The following TANC1 variants were observed in gnomAD, a reference collection of about 807,000 sequenced individuals.
TANC1 encodes tetratricopeptide repeat, ankyrin repeat and coiled-coil containing 1, also known as protein TANC1.
TANC1 carries 77 observed loss-of-function variants against 149.7 expected under a neutral mutation model. The observed-to-expected ratio is 0.51, with a 90% CI of 0.43 to 0.62. The LOEUF (loss-of-function observed/expected upper bound fraction) is 0.62. Ranked by LOEUF, TANC1 falls within the 20% of genes least tolerant of loss-of-function variation. The pLI is 0.00. For missense variants in TANC1, 1,985 were observed against 2,321.8 expected (o/e 0.85, Z 2.98); for synonymous variants, 854 against 925.0 (o/e 0.92, Z 1.39).
intron 5 of TANC1, among the ~76,000 whole-genome samples, chr2:159,140,536 G>A (rs1391070996): frequency 6.6e-6 from 1 of 152,106 alleles, no homozygotes; most frequent in African/African-American, 2.4e-5. Context: ...TATTTGAGAT[G>A]GGTTATCAAG....
rs143187573 is a variant in TANC1 at position 159,065,107 on chromosome 2, G to A, written c.-15-789G>A. ...AGAGCTTAAAGGAGACTGGCTTCAT[G>A]ATGAAATAATGGTCCTTTTGTCTGT... On this transcript the variant is annotated intron_variant, in intron 2 of 26. Transcript: ENST00000263635. Among the ~76,000 whole-genome samples the A allele has an allele frequency of 3.6e-3, 546 of 152,316 alleles. 6 individuals are homozygous for A. Among genetic ancestry groups the A allele is most frequent in the African/African-American group, 0.012 (504 of 41,566 alleles).
At chr2:159,128,667 G>A (rs2049753557) in intron 4 of TANC1, among the ~76,000 whole-genome samples, 1 of 152,268 alleles carries the variant, frequency 6.6e-6, no homozygotes, top group East Asian at 1.9e-4. Context: ...GCCAGCCCAT[G>A]TTCCTGTTAT....
intron 2 of TANC1, among the ~76,000 whole-genome samples, chr2:159,058,839 G>GTTTTT (rs2149645509): frequency 6.6e-6 from 1 of 150,648 alleles, no homozygotes; most frequent in South Asian, 2.1e-4. Context: ...TTGTTTGTTT[G>GTTTTT]TTTTGGTAGA....
intron 10 of TANC1, among the ~76,000 whole-genome samples, chr2:159,171,303 G>A (rs1050335568): frequency 6.6e-6 from 1 of 152,232 alleles, no homozygotes; most frequent in Non-Finnish European, 1.5e-5. Context: ...TAAACATGGT[G>A]AACAAGTGAA....
chr2:158,984,700 A>T (rs561814200), intron 1 of TANC1, among the ~76,000 whole-genome samples: 1 of 151,902 alleles, frequency 6.6e-6, no homozygotes, highest in African/African-American at 2.4e-5. Context: ...GGAGGAGTTG[A>T]CAGTGGCTGG....
At chr2:159,094,774 T>TGG (rs368971756) in intron 3 of TANC1, among the ~76,000 whole-genome samples, 43 of 53,462 alleles carry the variant, frequency 8.0e-4, no homozygotes, top group African/African-American at 2.2e-3. Context: ...TGTGTGTGTG[T>TGG]GGGGGGGGGG....
chr2:159,219,302 C>T lies in TANC1; in HGVS notation c.3443C>T (p.Pro1148Leu), dbSNP rs1464729824. Reference sequence around the variant, plus strand: ...CTAAGTGACAAGCAAGGCCGGACGCCCCTCATGGTGGCTGCTTGTGAAGGG... The same window carrying T: ...CTAAGTGACAAGCAAGGCCGGACGCTCCTCATGGTGGCTGCTTGTGAAGGG... ...VNLSDKQGRT[P>L]LMVAACEGHL... Residue 1148 changes from proline to leucine, a missense_variant, in exon 21 of 27, where the codon CCC becomes CTC. Pro to Leu is a moderately conservative substitution (Grantham distance 98, BLOSUM62 -3). Transcript: ENST00000263635. The T allele has an allele frequency of 1.9e-6, 3 of 1,614,110 alleles. No individual in the cohort carries two copies. The highest frequency in any genetic ancestry group is 2.5e-6 in the Non-Finnish European group (3 of 1,180,022).
chr2:159,101,038 C>G (rs1016659136), intron 4 of TANC1, among the ~76,000 whole-genome samples: 3 of 152,142 alleles, frequency 2.0e-5, no homozygotes, highest in African/African-American at 7.2e-5. Context: ...CACGCTGGCC[C>G]CACAGTGGGT....
At chr2:159,115,305 G>A (rs2048134438) in intron 4 of TANC1, among the ~76,000 whole-genome samples, 1 of 152,082 alleles carries the variant, frequency 6.6e-6, no homozygotes, top group South Asian at 2.1e-4. Context: ...AATAGATTTG[G>A]TTTCTAGGAC....
At chr2:159,145,749 G>A (rs73002933) in intron 5 of TANC1, among the ~76,000 whole-genome samples, 1,651 of 152,216 alleles carry the variant, frequency 0.011, 28 homozygotes, top group African/African-American at 0.037. Flanking sequence ...AGCCTTTCAC[G>A]CTATGTAATA....
intron 19 of TANC1, among the ~76,000 whole-genome samples, chr2:159,214,402 G>C (rs2059212272): frequency 6.6e-6 from 1 of 152,128 alleles, no homozygotes; most frequent in African/African-American, 2.4e-5. Context: ...GTCTTGTCTT[G>C]TGTTACATCC....
chr2:159,098,830 A>AT (rs66459656), intron 4 of TANC1, among the ~76,000 whole-genome samples: 13,763 of 147,750 alleles, frequency 0.093, 808 homozygotes, highest in South Asian at 0.23. Context: ...AAATTCTTGG[A>AT]TTTTTTTTTT....
At chr2:158,998,502 A>G (rs764629427) in intron 1 of TANC1, among the ~76,000 whole-genome samples, 1 of 152,208 alleles carries the variant, frequency 6.6e-6, no homozygotes, top group Non-Finnish European at 1.5e-5. Flanking sequence ...CCTACCAGCC[A>G]CAGCACAGTT....
chr2:158,973,726 A>G (rs61576311), intron 1 of TANC1, among the ~76,000 whole-genome samples: 14,391 of 152,250 alleles, frequency 0.095, 705 homozygotes, highest in Middle Eastern at 0.11. Context: ...AGGGCAGTGT[A>G]CATTTCCACA....
chr2:159,062,992 AAAAG>A (rs1456162640), intron 2 of TANC1, among the ~76,000 whole-genome samples: 1 of 147,414 alleles, frequency 6.8e-6, no homozygotes, highest in Non-Finnish European at 1.5e-5. Flanking sequence ...AAAAAAAAAA[AAAAG>A]AAAGCAAAGC....
At chr2:159,224,183 C>T in intron 22 of TANC1, 49 bp from the exon 23 acceptor site, 3 of 1,610,580 alleles carry the variant, frequency 1.9e-6, no homozygotes, top group Non-Finnish European at 2.5e-6. Context: ...CGTGTGCGCC[C>T]CTGAACTCCT....
chr2:158,998,708 G>A (rs535438451), intron 1 of TANC1, among the ~76,000 whole-genome samples: 40 of 152,318 alleles, frequency 2.6e-4, no homozygotes, highest in South Asian at 1.5e-3. Flanking sequence ...GCTGTTTCCT[G>A]GCACAAGGGC....
chr2:159,100,227 T>G (rs1327455053), intron 4 of TANC1, among the ~76,000 whole-genome samples: 1 of 152,164 alleles, frequency 6.6e-6, no homozygotes, highest in African/African-American at 2.4e-5. Context: ...CTGAGAGACT[T>G]CAGGGAAGAC....
chr2:159,112,443 A>G (rs1167736503), intron 4 of TANC1, among the ~76,000 whole-genome samples: 1 of 151,980 alleles, frequency 6.6e-6, no homozygotes, highest in Admixed American at 6.5e-5. Context: ...TTTAGGAGAG[A>G]CAGGATTTCA....
Sources: allele counts gnomAD v4.1 joint callset (sites outside exome capture counted in the v4.1 genomes callset), GRCh38; gene constraint gnomAD v4.1.1; transcripts MANE v1.5; gene names NCBI Gene and HGNC (gene_info 2026-07-23, HGNC 2026-07-21).